C12orf42: variants seen among roughly 807,000 people sequenced by gnomAD.
C12orf42 encodes chromosome 12 open reading frame 42, also known as uncharacterized protein C12orf42.
Under a neutral mutation model 21.6 loss-of-function variants are expected in C12orf42, and 25 were observed. The observed-to-expected ratio is 1.16, with a 90% CI of 0.84 to 1.62. The LOEUF (loss-of-function observed/expected upper bound fraction) is 1.62, where lower values mean the gene tolerates loss of function less well. Among genes scored for constraint, C12orf42 ranks in the 40% most tolerant of loss-of-function variants. The probability of loss-of-function intolerance (pLI) is 0.00; values close to 1 mark genes in which losing one functional copy is unlikely to be tolerated. For synonymous variants in C12orf42, 174 were observed against 175.0 expected, an observed-to-expected ratio of 0.99 and a Z score of 0.05; for missense variants, 483 against 459.3, an observed-to-expected ratio of 1.05 and a Z score of -0.47.
the C12orf42 span, chr12:103,155,336 C>T: frequency 2.0e-5 from 3 of 152,132 alleles, no homozygotes; most frequent in Non-Finnish European, 4.4e-5. Flanking sequence ...GGGAATGTCA[C>T]ATTTTTGTGG....
intron 2 of C12orf42, among the ~76,000 whole-genome samples, chr12:103,443,758 T>C (rs1293510294): frequency 6.6e-6 from 1 of 152,040 alleles, no homozygotes; most frequent in Non-Finnish European, 1.5e-5. Flanking sequence ...CCATAAAGGG[T>C]AGAAAAAGGC....
downstream of C12orf42, among the ~76,000 whole-genome samples, chr12:103,265,100 C>T (rs1027090462): frequency 6.6e-6 from 1 of 152,026 alleles, no homozygotes. Context: ...ATTGTATCCT[C>T]GCATGGCAGA....
intron 3 of C12orf42, among the ~76,000 whole-genome samples, chr12:103,386,413 CCA>C (rs1018663130): frequency 3.3e-5 from 5 of 152,048 alleles, no homozygotes; most frequent in African/African-American, 1.2e-4. Context: ...GCTCTGATTC[CCA>C]GTTATCTCCA....
the C12orf42 span, among the ~76,000 whole-genome samples, chr12:103,223,978 A>T: frequency 6.6e-6 from 1 of 152,150 alleles, no homozygotes; most frequent in African/African-American, 2.4e-5. Context: ...AGCCTGAAAA[A>T]CTGCTTGGCT....
rs141144376 is a variant in C12orf42, at chr12:103,359,938, T to C, written c.259+8949A>G. On this transcript the variant is annotated intron_variant, in intron 4 of 5. Coordinates refer to ENST00000548883, the MANE Select transcript of C12orf42 (RefSeq NM_198521.5). ...TCCCTGAATCCTCAGCTTTAACCCA[T>C]GATCCTGCCCTGTGAATATTACCTC... 2.2e-4 allele frequency among the ~76,000 whole-genome samples: 33 copies of C among 151,778 alleles called. No homozygotes were observed. The East Asian group carries it at 5.8e-3, about 27-fold the overall frequency.
At chr12:103,410,422 T>C (rs1028672501) in intron 2 of C12orf42, among the ~76,000 whole-genome samples, 8 of 152,210 alleles carry the variant, frequency 5.3e-5, no homozygotes, top group African/African-American at 1.9e-4. Flanking sequence ...TTCCAATTTG[T>C]ATGCTTTCTC....
At chr12:103,347,216 C>G (rs1161105886) in intron 4 of C12orf42, among the ~76,000 whole-genome samples, 1 of 152,014 alleles carries the variant, frequency 6.6e-6, no homozygotes, top group Admixed American at 6.6e-5. Context: ...CCCCCCACCC[C>G]CTGACAGGCC....
the C12orf42 span, chr12:103,161,589 A>T: frequency 6.6e-6 from 1 of 152,230 alleles, no homozygotes; most frequent in African/African-American, 2.4e-5. Flanking sequence ...AGAAAAAAGC[A>T]TTGGAAATGG....
At chr12:103,547,026 C>T in the C12orf42 span, among the ~76,000 whole-genome samples, 1 of 152,176 alleles carries the variant, frequency 6.6e-6, no homozygotes, top group Non-Finnish European at 1.5e-5. Flanking sequence ...CAGACTTAAC[C>T]ACTTCTTTGG....
intron 4 of C12orf42, among the ~76,000 whole-genome samples, chr12:103,341,617 A>G (rs1430774862): frequency 1.3e-5 from 2 of 152,220 alleles, no homozygotes; most frequent in East Asian, 3.8e-4. Flanking sequence ...ATAAGATGAT[A>G]GCCTTAAACC....
chr12:103,363,271 T>C (rs912154681), intron 4 of C12orf42, among the ~76,000 whole-genome samples: 2 of 152,104 alleles, frequency 1.3e-5, no homozygotes, highest in African/African-American at 4.8e-5. Flanking sequence ...AAAGGAAAGA[T>C]ACACTCTTTT....
chr12:103,420,956 G>A (rs189381644), intron 2 of C12orf42, among the ~76,000 whole-genome samples: 3 of 152,330 alleles, frequency 2.0e-5, no homozygotes, highest in Admixed American at 1.3e-4. Flanking sequence ...AAAGTGAGAA[G>A]ACAGTGAACC....
chr12:103,502,932 A>G, the C12orf42 span, among the ~76,000 whole-genome samples: 1 of 152,214 alleles, frequency 6.6e-6, no homozygotes. Context: ...ACAGTGATGT[A>G]GGATACTACA....
rs533913261 is a variant in C12orf42 at position 103,269,572 on chromosome 12, T to C, written n.445+235A>G. ...TCAATCAGTGTTTAATATTCATCAG[T>C]GACTCTATTGGAATCACCACTGGCA... On this transcript the variant is annotated intron_variant and non_coding_transcript_variant, in intron 6 of 6. Coordinates refer to the C12orf42 transcript ENST00000546526. Among the ~76,000 whole-genome samples, 111 of 152,304 alleles carry C rather than the reference T, an allele frequency of 7.3e-4. 1 individual carries two copies. Among genetic ancestry groups the C allele is most frequent in the Admixed American group, 1.7e-3 (26 of 15,294 alleles).
chr12:103,302,659 G>A (rs2037830282), intron 5 of C12orf42, 100 bp from the exon 6 acceptor site: 1 of 862,030 alleles, frequency 1.2e-6, no homozygotes, highest in Non-Finnish European at 1.7e-6. Context: ...ATCAACATTT[G>A]TAATGTGCTC....
chr12:103,307,662 A>C (rs1373327323), intron 4 of C12orf42, among the ~76,000 whole-genome samples: 1 of 152,152 alleles, frequency 6.6e-6, no homozygotes, highest in East Asian at 1.9e-4. Context: ...CCAATTTGGT[A>C]GTGGGTTGGT....
the C12orf42 span, among the ~76,000 whole-genome samples, chr12:103,531,102 A>G: frequency 6.6e-6 from 1 of 152,228 alleles, no homozygotes; most frequent in Non-Finnish European, 1.5e-5. Context: ...AATGAGGCAG[A>G]ATCCATCAAG....
intron 2 of C12orf42, among the ~76,000 whole-genome samples, chr12:103,429,695 C>T: frequency 6.6e-6 from 1 of 152,146 alleles, no homozygotes; most frequent in Non-Finnish European, 1.5e-5. Flanking sequence ...AAGCTGGAGG[C>T]ATCACACTAC....
intron 4 of C12orf42, among the ~76,000 whole-genome samples, chr12:103,334,129 A>G (rs2041480541): frequency 6.6e-6 from 1 of 152,176 alleles, no homozygotes; most frequent in South Asian, 2.1e-4. Context: ...AAAATCCGAA[A>G]AGCATCCAAG....
Sources: gnomAD v4.1 joint callset for allele counts (sites outside exome capture counted in the v4.1 genomes callset) on GRCh38, gnomAD v4.1.1 for gene constraint, MANE v1.5 for transcripts, NCBI Gene and HGNC (gene_info 2026-07-23, HGNC 2026-07-21) for gene names.